ICE2: variants seen among roughly 807,000 people sequenced by gnomAD.
ICE2 encodes interactor of little elongation complex ELL subunit 2, also known as little elongation complex subunit 2.
A neutral mutation model predicts 105.4 loss-of-function variants in ICE2; 87 were observed. The ratio of observed to expected loss-of-function variants is 0.83; its 90% CI spans 0.69 to 0.99. The LOEUF is 0.99. ICE2 is among the 50% of genes least tolerant of loss of function. The pLI, the probability that ICE2 is intolerant of heterozygous loss-of-function variation, is 0.00. For synonymous variants in ICE2, 399 were observed against 392.0 expected (o/e 1.02, Z -0.21); for missense variants, 1,323 against 1,146.7 (o/e 1.15, Z -2.22).
intron 5 of ICE2, among the ~76,000 whole-genome samples, chr15:60,462,503 A>T (rs1459114992): frequency 6.6e-6 from 1 of 152,216 alleles, no homozygotes; most frequent in Non-Finnish European, 1.5e-5. Flanking sequence ...TATTTAAAAA[A>T]CATACAGTAC....
intron 9 of ICE2, among the ~76,000 whole-genome samples, chr15:60,450,717 C>T (rs1187926552): frequency 6.6e-6 from 1 of 152,204 alleles, no homozygotes; most frequent in Non-Finnish European, 1.5e-5. Context: ...TCAACGGCCT[C>T]ATCTCTAAAA....
chr15:60,456,929 C>T (rs998243381), intron 5 of ICE2, 135 bp from the exon 6 acceptor site: 127 of 395,470 alleles, frequency 3.2e-4, no homozygotes, highest in African/African-American at 2.5e-3. Context: ...TACTAATACA[C>T]ACATTGTATA....
At chr15:60,478,319 C>G (rs1024149668) in intron 1 of ICE2, among the ~76,000 whole-genome samples, 1 of 152,170 alleles carries the variant, frequency 6.6e-6, no homozygotes, top group African/African-American at 2.4e-5. Flanking sequence ...TGAAACAGAA[C>G]GGTGTTCTCA....
intron 13 of ICE2, among the ~76,000 whole-genome samples, chr15:60,435,347 C>T (rs1046660708): frequency 6.6e-6 from 1 of 151,828 alleles, no homozygotes; most frequent in Non-Finnish European, 1.5e-5. Flanking sequence ...CACCTGTAAT[C>T]CCAGCACTTT....
rs1595744787 is a variant in ICE2, at chr15:60,431,934, CTACT to C, written c.2557_2560del (p.Ser853AlafsTer19). 1 of 1,350,714 alleles carries C rather than the reference CTACT, an allele frequency of 7.4e-7. No individual in the cohort carries two copies. The highest frequency in any genetic ancestry group is 1.0e-6 in the Non-Finnish European group (1 of 963,314). The allele number at this position is 1,350,714 out of a possible 1,614,324, so 83.7% of individuals were successfully genotyped here. A position where few individuals can be genotyped will look rare whatever the true frequency, so the allele number is the denominator to read the frequency against. On this transcript the variant is annotated frameshift_variant and splice_region_variant, in exon 14 of 16. Coordinates refer to ENST00000261520, the MANE Select transcript of ICE2 (RefSeq NM_024611.6). LOFTEE classifies it high-confidence loss of function. ...AGCAAAATGCCTAAAAAATACTTACCTACTTAGTTTCTTTAGAATGTGTTGGAGG... is the reference window on the plus strand; with the variant it reads ...AGCAAAATGCCTAAAAAATACTTACCTAGTTTCTTTAGAATGTGTTGGAGG...
At chr15:60,428,939 A>G (rs2063395813) in intron 14 of ICE2, among the ~76,000 whole-genome samples, 1 of 152,180 alleles carries the variant, frequency 6.6e-6, no homozygotes, top group South Asian at 2.1e-4. Flanking sequence ...AGCAATTCGT[A>G]AGTTTTCATT....
At chr15:60,436,104 CA>C (rs1418353939) in intron 13 of ICE2, 38 bp downstream of exon 13, 2 of 824,420 alleles carry the variant, frequency 2.4e-6, no homozygotes, top group East Asian at 5.6e-5. Flanking sequence ...ATCACATTAA[CA>C]AATTTTTCAA....
At chr15:60,442,337 G>T (rs1367541140) in intron 12 of ICE2, 79 bp downstream of exon 12, 4 of 1,286,668 alleles carry the variant, frequency 3.1e-6, no homozygotes, top group Non-Finnish European at 4.4e-6. Context: ...GGGCAGAATA[G>T]AAGTATTCAC....
At chr15:60,475,716 C>T (rs940105294) in intron 3 of ICE2, among the ~76,000 whole-genome samples, 2 of 151,958 alleles carry the variant, frequency 1.3e-5, no homozygotes, top group Admixed American at 6.6e-5. Context: ...ACGTTATAAA[C>T]AGTATACTGC....
chr15:60,445,402 T>G lies in ICE2; in HGVS notation c.2295+2568A>C, dbSNP rs950983951. On this transcript the variant is annotated intron_variant, in intron 11 of 15. Transcript: ENST00000261520. ...TACTGAATTTCCAGAGGATAAAATATTTTGGACAAACAGAGATGAATAGGA... is the reference window on the plus strand; with the variant it reads ...TACTGAATTTCCAGAGGATAAAATAGTTTGGACAAACAGAGATGAATAGGA... 6 of 215,134 alleles carry G rather than the reference T, an allele frequency of 2.8e-5. No homozygotes were observed. In the Admixed American group the frequency reaches 3.9e-4, roughly 14 times the overall value. The allele number at this position is 215,134 out of a possible 1,614,324, so 13.3% of individuals were successfully genotyped here.
Position 60,435,366 on chromosome 15 carries a change from G to A in ICE2, c.2510+777C>T, listed in dbSNP as rs551138701. The stretch of plus-strand genomic sequence containing the variant: ...TGTAATCCCAGCACTTTGGGAGGCC[G>A]AGGCAGGAGGATCACCCGAGGTCGG... On this transcript the variant is annotated intron_variant, in intron 13 of 15. Transcript: ENST00000261520. 4.0e-5 allele frequency among the ~76,000 whole-genome samples: 6 copies of A among 151,796 alleles called. No individual in the cohort carries two copies. The East Asian group carries it at 7.7e-4, about 20-fold the overall frequency.
chr15:60,455,680 T>TATAC (rs2064088554), intron 6 of ICE2, among the ~76,000 whole-genome samples: 1 of 152,014 alleles, frequency 6.6e-6, no homozygotes, highest in Non-Finnish European at 1.5e-5. Context: ...TGCGGTTGTA[T>TATAC]GATCTCAGAT....
At chr15:60,447,777 G>C in intron 11 of ICE2, 193 bp downstream of exon 11, 1 of 445,116 alleles carries the variant, frequency 2.2e-6, no homozygotes, top group Non-Finnish European at 4.0e-6. Context: ...GGCATTTATG[G>C]CTACTATATA....
intron 8 of ICE2, chr15:60,454,778 G>A: frequency 2.5e-6 from 1 of 402,712 alleles, no homozygotes. Context: ...ATGGTGGTTT[G>A]CTGCACGTAT....
chr15:60,425,273 A>G (rs2063315859), intron 15 of ICE2, among the ~76,000 whole-genome samples: 1 of 152,214 alleles, frequency 6.6e-6, no homozygotes, highest in South Asian at 2.1e-4. Context: ...TATACTGATT[A>G]GAAAAGTGCT....
rs1270114775 is a variant in ICE2, at chr15:60,432,596, T to TA, written c.2511-613dup. Among the ~76,000 whole-genome samples, 136 of 146,188 alleles carry TA rather than the reference T, an allele frequency of 9.3e-4. 1 individual carries two copies. Among genetic ancestry groups the TA allele is most frequent in the Admixed American group, 3.7e-3 (54 of 14,642 alleles). ...CTATTTTATGTTCAAATTATATACT[T>TA]AAAAAAAAAACGCTGGCCGGGTGCA... On this transcript the variant is annotated intron_variant, in intron 13 of 15. Transcript: ENST00000261520.
At chr15:60,438,238 T>C (rs895939255) in intron 12 of ICE2, 2 of 152,198 alleles carry the variant, frequency 1.3e-5, no homozygotes, top group African/African-American at 4.8e-5. Flanking sequence ...CGTATCAATG[T>C]TGAAGACAAA....
chr15:60,466,529 A>C, intron 5 of ICE2, 65 bp downstream of exon 5: 1 of 1,573,602 alleles, frequency 6.4e-7, no homozygotes, highest in Non-Finnish European at 8.6e-7. Flanking sequence ...GAATCATCAC[A>C]TATTTCAGAA....
chr15:60,457,254 G>C (rs555978305), intron 5 of ICE2, among the ~76,000 whole-genome samples: 1 of 152,054 alleles, frequency 6.6e-6, no homozygotes, highest in Non-Finnish European at 1.5e-5. Flanking sequence ...CCAAATGATG[G>C]AGTACTTAGT....
Sources: allele counts gnomAD v4.1 joint callset (sites outside exome capture counted in the v4.1 genomes callset), GRCh38; gene constraint gnomAD v4.1.1; transcripts MANE v1.5; gene names NCBI Gene and HGNC (gene_info 2026-07-23, HGNC 2026-07-21).